Variants in ABCA12 observed in about 807,000 individuals in gnomAD.
ABCA12 encodes the protein ATP binding cassette subfamily A member 12.
In ABCA12, 156 loss-of-function variants were observed where a neutral mutation model predicts 293.5. That is an observed-to-expected ratio of 0.53 (90% CI 0.47 to 0.61). ABCA12 has a LOEUF of 0.61. ABCA12 is among the 20% of genes least tolerant of loss of function. The pLI, the probability that ABCA12 is intolerant of heterozygous loss-of-function variation, is 0.00. For synonymous variants in ABCA12, 1,063 were observed against 1,108.0 expected, an observed-to-expected ratio of 0.96 and a Z score of 0.81; for missense variants, 2,797 against 3,090.2, an observed-to-expected ratio of 0.91 and a Z score of 2.25.
chr2:215,012,587 C>A (rs1206805038), intron 15 of ABCA12, among the ~76,000 whole-genome samples: 1 of 152,052 alleles, frequency 6.6e-6, no homozygotes, highest in East Asian at 1.9e-4. Context: ...TTTAAAAAGG[C>A]AAATCTACAG....
chr2:215,041,149 A>G (rs1701091536), intron 7 of ABCA12, among the ~76,000 whole-genome samples: 1 of 152,278 alleles, frequency 6.6e-6, no homozygotes, highest in South Asian at 2.1e-4. Context: ...ATGTAGATAT[A>G]TATTACAACA....
At chr2:214,968,684 T>C in intron 38 of ABCA12, 36 bp downstream of exon 38, 1 of 1,582,548 alleles carries the variant, frequency 6.3e-7, no homozygotes, top group Non-Finnish European at 8.7e-7. Context: ...CACCTTCTCA[T>C]TTGTATAACA....
intron 1 of ABCA12, among the ~76,000 whole-genome samples, chr2:215,132,625 G>A (rs1246616126): frequency 6.6e-6 from 1 of 151,738 alleles, no homozygotes; most frequent in Non-Finnish European, 1.5e-5. Flanking sequence ...AAGTCTGAAT[G>A]CATCTTTACT....
chr2:214,991,778 C>G (rs1183357937), intron 23 of ABCA12, among the ~76,000 whole-genome samples: 1 of 152,120 alleles, frequency 6.6e-6, no homozygotes, highest in African/African-American at 2.4e-5. Flanking sequence ...CCAAGGCGTT[C>G]CACAAGGTAG....
chr2:215,121,812 T>C (rs1702810514), intron 1 of ABCA12, among the ~76,000 whole-genome samples: 1 of 152,210 alleles, frequency 6.6e-6, no homozygotes, highest in African/African-American at 2.4e-5. Context: ...GGACTTCCCC[T>C]GCACAAGCTC....
chr2:215,134,522 A>G (rs1703152918), intron 1 of ABCA12, among the ~76,000 whole-genome samples: 1 of 144,508 alleles, frequency 6.9e-6, no homozygotes. Flanking sequence ...ATATGTGTAT[A>G]TATACGTATA....
intron 19 of ABCA12, among the ~76,000 whole-genome samples, chr2:215,007,069 T>G (rs1700270961): frequency 6.6e-6 from 1 of 151,956 alleles, no homozygotes; most frequent in South Asian, 2.1e-4. Flanking sequence ...GAGATGGGGT[T>G]TCTCCGCGTT....
chr2:214,974,960 A>T, intron 34 of ABCA12, 96 bp from the exon 35 acceptor site: 1 of 1,167,028 alleles, frequency 8.6e-7, no homozygotes, highest in Non-Finnish European at 1.3e-6. Flanking sequence ...TGTATATAGA[A>T]GGGTTTTCTT....
At chr2:214,969,315 G>A (rs1448862188) in intron 37 of ABCA12, among the ~76,000 whole-genome samples, 1 of 151,930 alleles carries the variant, frequency 6.6e-6, no homozygotes, top group Non-Finnish European at 1.5e-5. Flanking sequence ...CATGTCAACT[G>A]CTTGTCAATT....
At chr2:214,991,623 C>G (rs1368836471) in intron 23 of ABCA12, among the ~76,000 whole-genome samples, 1 of 152,158 alleles carries the variant, frequency 6.6e-6, no homozygotes, top group East Asian at 1.9e-4. Context: ...CCATCCTTAA[C>G]ACTTACTGGC....
At chr2:215,101,331 C>T (rs1202453521) in intron 2 of ABCA12, among the ~76,000 whole-genome samples, 2 of 152,106 alleles carry the variant, frequency 1.3e-5, no homozygotes, top group South Asian at 2.1e-4. Context: ...AATCACCTGG[C>T]GAGTTCTTCA....
intron 34 of ABCA12, 151 bp from the exon 35 acceptor site, chr2:214,975,015 T>G: frequency 1.4e-6 from 1 of 704,634 alleles, no homozygotes; most frequent in Non-Finnish European, 2.5e-6. Context: ...CAGGCTGGAG[T>G]GCAGTAGTGC....
At chr2:215,131,828 A>C (rs2105918238) in intron 1 of ABCA12, among the ~76,000 whole-genome samples, 2 of 148,642 alleles carry the variant, frequency 1.3e-5, no homozygotes, top group East Asian at 4.0e-4. Context: ...GTGTGATGTT[A>C]AATTGTTAAT....
chr2:215,028,848 T>A (rs1484364605), intron 9 of ABCA12, among the ~76,000 whole-genome samples: 1 of 152,178 alleles, frequency 6.6e-6, no homozygotes, highest in Non-Finnish European at 1.5e-5. Flanking sequence ...GGTATAATAA[T>A]AACCAATATA....
rs373644245 is a variant in ABCA12 at position 214,983,633 on chromosome 2, C to T, written c.4382+14G>A. On this transcript the variant is annotated intron_variant, in intron 29 of 52. Coordinates refer to ENST00000272895, the MANE Select transcript of ABCA12 (RefSeq NM_173076.3). ...GAGTTAGCAACTTAGGTTCTCATTC[C>T]TGTCTTAACTTGCCTTTTTACTTCC... is the stretch of plus-strand genomic sequence containing the variant. 224 of 1,612,130 alleles carry T rather than the reference C, an allele frequency of 1.4e-4. No individual in the cohort carries two copies. Among genetic ancestry groups the T allele is most frequent in the Middle Eastern group, 5.0e-4 (3 of 6,052 alleles).
At position 215,021,529 on chromosome 2, in the gene ABCA12, G is replaced by A. The variant is rs150640427; in HGVS notation, c.1288-1733C>T. Among the ~76,000 whole-genome samples, 19 of 152,250 alleles carry A rather than the reference G, an allele frequency of 1.2e-4. No individual in the cohort carries two copies. In the East Asian group the frequency reaches 3.5e-3, roughly 28 times the overall value. On this transcript the variant is annotated intron_variant, in intron 11 of 52. Transcript: ENST00000272895. ...TGGGGAAAAAATAATATGTGCCCCTGGGAAAGAAAATTCTATTGTGCTTGG... is the reference window on the plus strand; with the variant it reads ...TGGGGAAAAAATAATATGTGCCCCTAGGAAAGAAAATTCTATTGTGCTTGG...
intron 21 of ABCA12, among the ~76,000 whole-genome samples, chr2:215,001,261 C>A (rs1700139845): frequency 6.6e-6 from 1 of 152,056 alleles, no homozygotes; most frequent in Admixed American, 6.6e-5. Context: ...CCATTCTAAG[C>A]CACTTATTAA....
At position 215,037,006 on chromosome 2, in the gene ABCA12, G is replaced by A; in HGVS notation, c.932C>T (p.Thr311Ile). ...CAGATGTTTAACAGACTTCTGGAGG[G>A]TTCTGAAACCTTCGTTAGTTGCAAA... ...PRFATNEGFRTLQKSVKHLLY... is the reference protein window; with the variant it reads ...PRFATNEGFRILQKSVKHLLY... Residue 311 changes from threonine to isoleucine, a missense_variant, in exon 8 of 53, where the codon ACC becomes ATC. This residue lies in a region of ABCA12 where 656 missense variants were observed against 638.2 expected (regional missense o/e 1.03). Transcript: ENST00000272895. 4 of 1,613,946 alleles carry A rather than the reference G, an allele frequency of 2.5e-6. No homozygotes were observed. The highest frequency in any genetic ancestry group is 3.4e-6 in the Non-Finnish European group (4 of 1,179,892).
chr2:214,974,034 A>G lies in ABCA12; in HGVS notation c.5477T>C (p.Leu1826Ser), dbSNP rs750268839. The change falls in exon 36 of 53, where the codon TTA becomes TCA. Residue 1826 changes from leucine to serine, a missense_variant. This residue lies in a region of ABCA12 where 2,130 missense variants were observed against 2,427.0 expected (regional missense o/e 0.88). Transcript: ENST00000272895. ...CCATTTTTCCAGACTGTCTTTGTTT[A>G]AACACTGTCTGCAAGTTAAAATGAT... The part of the protein sequence containing the change: ...MCLNTSDLQC[L>S]NKDSLEKWNT... The G allele has an allele frequency of 1.2e-6, 2 of 1,613,884 alleles. No homozygotes were observed. Among genetic ancestry groups the G allele is most frequent in the East Asian group, 4.5e-5 (2 of 44,844 alleles).
Sources: allele counts gnomAD v4.1 joint callset (sites outside exome capture counted in the v4.1 genomes callset), GRCh38; gene constraint gnomAD v4.1.1; regional missense constraint gnomAD v4.1.1; transcripts MANE v1.5; gene names NCBI Gene and HGNC (gene_info 2026-07-23, HGNC 2026-07-21).